Variants in MNAT1 observed in about 807,000 individuals in gnomAD.
MNAT1 encodes the protein CDK-activating kinase assembly factor MAT1.
MNAT1 carries 43 observed loss-of-function variants against 42.0 expected under a neutral mutation model. The ratio of observed to expected loss-of-function variants is 1.02; its 90% confidence interval spans 0.80 to 1.32. The LOEUF is 1.32. MNAT1 is among the 40% of genes most tolerant of loss of function. The pLI is 0.00. For missense variants in MNAT1, 306 were observed against 350.4 expected (o/e 0.87, Z 1.01); for synonymous variants, 118 against 120.0 (o/e 0.98, Z 0.11).
chr14:60,821,152 A>G (rs2032879001), intron 6 of MNAT1, among the ~76,000 whole-genome samples: 1 of 152,134 alleles, frequency 6.6e-6, no homozygotes, highest in African/African-American at 2.4e-5. Context: ...TATGCTTTTT[A>G]AAATTTTAAT....
chr14:60,957,606 A>G (rs919684294), intron 7 of MNAT1, among the ~76,000 whole-genome samples: 2 of 152,212 alleles, frequency 1.3e-5, no homozygotes, highest in South Asian at 2.1e-4. Flanking sequence ...TTGGGTAGGG[A>G]AACAGCCGAA....
chr14:60,779,914 G>T, intron 1 of MNAT1: 1 of 1,008,254 alleles, frequency 9.9e-7, no homozygotes, highest in South Asian at 1.4e-5. Flanking sequence ...GAGCCGCTGT[G>T]GTTGCTGTCC....
chr14:60,873,566 T>C (rs1285056139), intron 6 of MNAT1, among the ~76,000 whole-genome samples: 5 of 151,878 alleles, frequency 3.3e-5, no homozygotes, highest in Admixed American at 6.6e-5. Context: ...TCTCCTGGGC[T>C]CAAGTGATCC....
At chr14:60,836,361 A>C (rs764128641) in intron 6 of MNAT1, among the ~76,000 whole-genome samples, 1 of 152,082 alleles carries the variant, frequency 6.6e-6, no homozygotes, top group Non-Finnish European at 1.5e-5. Context: ...GTTTTTCTTC[A>C]TCTTTGTGGA....
chr14:60,909,329 T>C (rs1166117712), intron 7 of MNAT1, among the ~76,000 whole-genome samples: 2 of 152,200 alleles, frequency 1.3e-5, no homozygotes, highest in Admixed American at 1.3e-4. Context: ...TTAGTTTAAT[T>C]AGATCCCATT....
chr14:60,743,537 C>T (rs1896533314), intron 1 of MNAT1, among the ~76,000 whole-genome samples: 1 of 152,230 alleles, frequency 6.6e-6, no homozygotes, highest in Non-Finnish European at 1.5e-5. Context: ...GATTCGCCTG[C>T]CTCAGCCTCT....
chr14:60,745,085 C>A (rs1896576205), intron 1 of MNAT1, among the ~76,000 whole-genome samples: 1 of 152,226 alleles, frequency 6.6e-6, no homozygotes, highest in Non-Finnish European at 1.5e-5. Context: ...GCATTCTGAT[C>A]TCTGCCTATT....
intron 7 of MNAT1, among the ~76,000 whole-genome samples, chr14:60,908,402 T>C (rs2035262634): frequency 6.6e-6 from 1 of 152,158 alleles, no homozygotes; most frequent in African/African-American, 2.4e-5. Context: ...ACATGTGCCA[T>C]GTTGGTGTGC....
chr14:60,908,241 A>T (rs1312609537), intron 7 of MNAT1, among the ~76,000 whole-genome samples: 1 of 152,118 alleles, frequency 6.6e-6, no homozygotes, highest in Non-Finnish European at 1.5e-5. Context: ...AAATTTTTTT[A>T]TTGGAATAAT....
At chr14:60,907,218 A>G (rs1005941065) in intron 7 of MNAT1, among the ~76,000 whole-genome samples, 1 of 152,172 alleles carries the variant, frequency 6.6e-6, no homozygotes, top group African/African-American at 2.4e-5. Flanking sequence ...GTGGATCATG[A>G]GGTCCAGAGT....
chr14:60,750,948 A>C (rs1296740734), intron 1 of MNAT1, among the ~76,000 whole-genome samples: 1 of 152,218 alleles, frequency 6.6e-6, no homozygotes, highest in Non-Finnish European at 1.5e-5. Flanking sequence ...TCTCAGGCTT[A>C]GTATGAAAGT....
intron 7 of MNAT1, among the ~76,000 whole-genome samples, chr14:60,966,517 C>A (rs1174266762): frequency 1.3e-5 from 2 of 151,660 alleles, no homozygotes; most frequent in African/African-American, 4.8e-5. Context: ...AACATTCATT[C>A]ATTAATTTAT....
intron 6 of MNAT1, among the ~76,000 whole-genome samples, chr14:60,862,943 T>C (rs2034129767): frequency 6.6e-6 from 1 of 152,024 alleles, no homozygotes; most frequent in Admixed American, 6.6e-5. Flanking sequence ...GATATGTGCA[T>C]GGTGGGAGTA....
chr14:60,959,972 T>C (rs1003228449), intron 7 of MNAT1, among the ~76,000 whole-genome samples: 6 of 149,354 alleles, frequency 4.0e-5, no homozygotes, highest in Non-Finnish European at 7.4e-5. Flanking sequence ...GTCGTATTGA[T>C]GCATGTACAT....
chr14:60,895,230 A>G (rs1193861337), intron 7 of MNAT1, among the ~76,000 whole-genome samples: 2 of 152,170 alleles, frequency 1.3e-5, no homozygotes, highest in African/African-American at 4.8e-5. Flanking sequence ...TTATTATCTG[A>G]AGCTATCTGC....
intron 1 of MNAT1, among the ~76,000 whole-genome samples, chr14:60,761,361 A>C (rs944692225): frequency 6.6e-6 from 1 of 152,214 alleles, no homozygotes; most frequent in Non-Finnish European, 1.5e-5. Context: ...AACTAAGACA[A>C]ACATTTCAGG....
intron 7 of MNAT1, among the ~76,000 whole-genome samples, chr14:60,926,935 T>C (rs1188299737): frequency 6.6e-6 from 1 of 152,106 alleles, no homozygotes; most frequent in Non-Finnish European, 1.5e-5. Context: ...AAGATGCTCC[T>C]ATTACCCAGG....
chr14:60,825,514 A>G (rs1350187437), intron 6 of MNAT1, among the ~76,000 whole-genome samples: 3 of 152,220 alleles, frequency 2.0e-5, no homozygotes. Flanking sequence ...GCTGCTGGAT[A>G]TGCAAGAATA....
chr14:60,832,022 A>T (rs929218582), intron 6 of MNAT1, among the ~76,000 whole-genome samples: 1 of 150,952 alleles, frequency 6.6e-6, no homozygotes, highest in Non-Finnish European at 1.5e-5. Context: ...TTTTGATGGG[A>T]TTGTTTGTTT....
Sources: allele counts gnomAD v4.1 joint callset (sites outside exome capture counted in the v4.1 genomes callset), GRCh38; gene constraint gnomAD v4.1.1; transcripts MANE v1.5; gene names NCBI Gene and HGNC (gene_info 2026-07-23, HGNC 2026-07-21).